The following PCDH19 variants were observed in gnomAD, a reference collection of about 807,000 sequenced individuals.
The protein encoded by PCDH19 is protocadherin 19.
PCDH19 carries 6 observed loss-of-function variants against 46.2 expected under a neutral mutation model. The ratio of observed to expected loss-of-function variants is 0.13; its 90% CI spans 0.07 to 0.26. The LOEUF (loss-of-function observed/expected upper bound fraction) is 0.26. Among genes scored for constraint, PCDH19 ranks in the 10% least tolerant of loss-of-function variants. The pLI is 1.00. For missense variants in PCDH19, 740 were observed against 972.3 expected (o/e 0.76, Z 3.18); for synonymous variants, 481 against 415.7 (o/e 1.16, Z -1.91).
At chrX:100,341,212 T>C (rs766029260) in intron 5 of PCDH19, among the ~76,000 whole-genome samples, 10 of 111,930 alleles carry the variant, frequency 8.9e-5, no homozygotes, top group African/African-American at 1.6e-4. Flanking sequence ...TTCACAGAAA[T>C]AGACTCTTCT....
At chrX:100,343,695 G>A (rs1439433292) in intron 4 of PCDH19, among the ~76,000 whole-genome samples, 1 of 111,860 alleles carries the variant, frequency 8.9e-6, no homozygotes, top group Non-Finnish European at 1.9e-5. Flanking sequence ...AGTAGATGGT[G>A]AATCCATTCC....
intron 3 of PCDH19, among the ~76,000 whole-genome samples, chrX:100,388,555 C>T (rs190662562): frequency 9.0e-6 from 1 of 110,779 alleles, no homozygotes; most frequent in African/African-American, 3.3e-5. Context: ...CAACCCTGTA[C>T]ATGAATTTTT....
At chrX:100,399,460 C>T (rs758573868) in intron 3 of PCDH19, among the ~76,000 whole-genome samples, 10 of 111,848 alleles carry the variant, frequency 8.9e-5, no homozygotes, top group Non-Finnish European at 1.9e-4. Context: ...ATCTCTCTAA[C>T]GCCAGAGCCT....
chrX:100,321,483 C>G, intron 5 of PCDH19, among the ~76,000 whole-genome samples: 1 of 111,647 alleles, frequency 9.0e-6, no homozygotes, highest in South Asian at 3.8e-4. Context: ...AAGGTGGTAC[C>G]GCATTGTGGT....
rs1924425820 is a variant in PCDH19, at chrX:100,291,646, CT to C, written c.*4630del. ...AACACATTCCACCAAACACTCAATA[CT>C]TTTTCCATAATAGCCTTTAATACTA... On this transcript the variant is annotated 3_prime_UTR_variant, in exon 6 of 6. Coordinates refer to ENST00000373034, the MANE Select transcript of PCDH19 (RefSeq NM_001184880.2). The C allele has an allele frequency of 8.9e-6, 1 of 112,543 alleles. No homozygotes were observed. Among genetic ancestry groups the C allele is most frequent in the African/African-American group, 3.2e-5 (1 of 30,861 alleles). 9.3% of individuals were successfully genotyped at this position (112,543 alleles called of 1,213,427 possible). A position where few individuals can be genotyped will look rare whatever the true frequency, so the allele number is the denominator to read the frequency against.
chrX:100,382,263 A>C (rs191398479), intron 3 of PCDH19, among the ~76,000 whole-genome samples: 1 of 110,356 alleles, frequency 9.1e-6, no homozygotes, highest in African/African-American at 3.3e-5. Context: ...AAAACCCCCC[A>C]CAAGCATAAA....
chrX:100,405,138 CA>C (rs767078949), intron 1 of PCDH19, among the ~76,000 whole-genome samples: 14 of 112,190 alleles, frequency 1.2e-4, no homozygotes, highest in Non-Finnish European at 2.4e-4. Flanking sequence ...GTTACATATT[CA>C]GGGGGCTCTG....
At chrX:100,393,493 TACATAC>T (rs1263227609) in intron 3 of PCDH19, among the ~76,000 whole-genome samples, 4 of 25,354 alleles carry the variant, frequency 1.6e-4, no homozygotes, top group Non-Finnish European at 3.3e-4. Flanking sequence ...TACACATACA[TACATAC>T]ACACACACAC....
At chrX:100,402,873 A>G (rs896834498) in intron 2 of PCDH19, 22 bp from the exon 3 acceptor site, 1 of 1,127,694 alleles carries the variant, frequency 8.9e-7, no homozygotes, top group Admixed American at 2.2e-5. Flanking sequence ...AAAAGGCAGC[A>G]TGAATCACTA....
chrX:100,311,803 C>T (rs1925138056), intron 5 of PCDH19, among the ~76,000 whole-genome samples: 1 of 110,357 alleles, frequency 9.1e-6, no homozygotes, highest in Non-Finnish European at 1.9e-5. Flanking sequence ...CTATTCATTA[C>T]CAATAGAGGC....
In PCDH19 at chrX:100,399,324, ATGT is replaced by A. The variant is rs1331397819; in HGVS notation, c.2616+3197_2616+3199del. Among the ~76,000 whole-genome samples the A allele has an allele frequency of 6.2e-5, 7 of 112,027 alleles. No homozygotes were observed. The Admixed American group carries it at 6.6e-4, about 11-fold the overall frequency. On this transcript the variant is annotated intron_variant, in intron 3 of 5. Coordinates refer to ENST00000373034, the MANE Select transcript of PCDH19 (RefSeq NM_001184880.2). Reference sequence around the variant, plus strand: ...AAGATAATGTAGGAAATATATCAAAATGTTATTATCCTAGCAATGGAGAATGTC... The same window carrying A: ...AAGATAATGTAGGAAATATATCAAAATATTATCCTAGCAATGGAGAATGTC...
rs1928227983 is a variant in PCDH19, at chrX:100,402,735, A to G, written c.2405T>C (p.Val802Ala). The G allele has an allele frequency of 8.3e-7, 1 of 1,209,127 alleles. No individual in the cohort carries two copies. Among genetic ancestry groups the G allele is most frequent in the African/African-American group, 1.7e-5 (1 of 57,177 alleles). ...GGAGGAGGTCAGGGAAGAGCAACTGACAACGTTCATCTTGTCTGTCTCCTC... is the reference window on the plus strand; with the variant it reads ...GGAGGAGGTCAGGGAAGAGCAACTGGCAACGTTCATCTTGTCTGTCTCCTC... ...DVEETDKMNV[V>A]SCSSLTSSLN... The change falls in exon 3 of 6, where the codon GTC (valine) becomes GCC (alanine). Residue 802 changes from valine (V) to alanine (A), a missense_variant. Val to Ala is a moderately conservative substitution (Grantham distance 64). Transcript: ENST00000373034.
chrX:100,307,419 T>C (rs1201337139), intron 5 of PCDH19, among the ~76,000 whole-genome samples: 3 of 111,647 alleles, frequency 2.7e-5, no homozygotes, highest in African/African-American at 9.8e-5. Context: ...GCTGTCTATG[T>C]CAAACCCACA....
chrX:100,388,558 G>C (rs1011614547), intron 3 of PCDH19, among the ~76,000 whole-genome samples: 2 of 110,670 alleles, frequency 1.8e-5, no homozygotes, highest in African/African-American at 6.5e-5. Flanking sequence ...CCCTGTACAT[G>C]AATTTTTACG....
intron 5 of PCDH19, among the ~76,000 whole-genome samples, chrX:100,333,164 AGGAAGGAAGG>A (rs1925946608): frequency 2.1e-4 from 10 of 47,570 alleles, no homozygotes; most frequent in African/African-American, 6.3e-4. Context: ...GAAGGAAGGA[AGGAAGGAAGG>A]GAGAGAGAGA....
intron 3 of PCDH19, among the ~76,000 whole-genome samples, chrX:100,387,110 T>C (rs1927738211): frequency 8.9e-6 from 1 of 111,821 alleles, no homozygotes; most frequent in Non-Finnish European, 1.9e-5. Context: ...GATGTCTATC[T>C]ACACAGGACC....
intron 5 of PCDH19, among the ~76,000 whole-genome samples, chrX:100,314,145 C>A (rs1602578316): frequency 9.0e-6 from 1 of 111,676 alleles, no homozygotes; most frequent in East Asian, 2.8e-4. Context: ...TTTACGGAGA[C>A]AAGAGTAGGG....
At chrX:100,370,086 C>T (rs1341465803) in intron 3 of PCDH19, among the ~76,000 whole-genome samples, 1 of 110,828 alleles carries the variant, frequency 9.0e-6, no homozygotes, top group Non-Finnish European at 1.9e-5. Context: ...AAAAGAGGAC[C>T]AAAAGGAAAA....
chrX:100,356,707 TA>T (rs1926726012), intron 3 of PCDH19, among the ~76,000 whole-genome samples: 1 of 110,335 alleles, frequency 9.1e-6, no homozygotes, highest in African/African-American at 3.3e-5. Context: ...AAACTCCTAC[TA>T]ACCACTTATT....
Sources: allele counts gnomAD v4.1 joint callset (sites outside exome capture counted in the v4.1 genomes callset), GRCh38; gene constraint gnomAD v4.1.1; transcripts MANE v1.5; gene names NCBI Gene and HGNC (gene_info 2026-07-23, HGNC 2026-07-21).